SRPK1: variants seen among roughly 807,000 people sequenced by gnomAD.
The protein encoded by SRPK1 is SRSF protein kinase 1.
Under a neutral mutation model 89.5 loss-of-function variants are expected in SRPK1, and 52 were observed. That is an observed-to-expected ratio of 0.58 (90% confidence interval 0.46 to 0.73). SRPK1 has a LOEUF of 0.73. Among genes scored for constraint, SRPK1 ranks in the 30% least tolerant of loss-of-function variants. The probability of loss-of-function intolerance (pLI) is 0.00; values close to 1 mark genes in which losing one functional copy is unlikely to be tolerated. For synonymous variants in SRPK1, 255 were observed against 270.2 expected (o/e 0.94, Z 0.55); for missense variants, 603 against 780.6 (o/e 0.77, Z 2.71).
chr6:35,839,842 G>A (rs1159583551), intron 14 of SRPK1, among the ~76,000 whole-genome samples: 2 of 152,054 alleles, frequency 1.3e-5, no homozygotes, highest in Non-Finnish European at 2.9e-5. Context: ...ACCAGGTCCA[G>A]CTAATTTTTG....
At chr6:35,861,882 C>T (rs998113847) in intron 12 of SRPK1, among the ~76,000 whole-genome samples, 2 of 152,206 alleles carry the variant, frequency 1.3e-5, no homozygotes, top group Admixed American at 1.3e-4. Flanking sequence ...CACAGGCCAA[C>T]AGCTGGCACC....
chr6:35,852,981 T>C (rs1272431783), intron 13 of SRPK1, among the ~76,000 whole-genome samples: 2 of 152,194 alleles, frequency 1.3e-5, no homozygotes, highest in Non-Finnish European at 1.5e-5. Context: ...GACTCATGCC[T>C]GTAATTCCAG....
chr6:35,908,745 G>A (rs189418072), intron 2 of SRPK1, among the ~76,000 whole-genome samples: 70 of 152,286 alleles, frequency 4.6e-4, no homozygotes, highest in Admixed American at 2.3e-3. Context: ...AGAAAATGTC[G>A]TCAGGGCATG....
At chr6:35,906,957 G>A (rs975435824) in intron 2 of SRPK1, among the ~76,000 whole-genome samples, 5 of 152,128 alleles carry the variant, frequency 3.3e-5, no homozygotes, top group African/African-American at 1.2e-4. Context: ...GGTAACCAAA[G>A]TTATGAGATA....
At chr6:35,876,084 T>TAAAAA (rs1491175245) in intron 6 of SRPK1, among the ~76,000 whole-genome samples, 1 of 40,054 alleles carries the variant, frequency 2.5e-5, no homozygotes, top group Admixed American at 3.1e-4. Context: ...GATTCTTAAA[T>TAAAAA]TAAAAAAAAA....
At chr6:35,837,840 G>A (rs922060022) in intron 15 of SRPK1, among the ~76,000 whole-genome samples, 1 of 151,406 alleles carries the variant, frequency 6.6e-6, no homozygotes, top group Non-Finnish European at 1.5e-5. Context: ...TTACAGGCGT[G>A]AGCCACCATG....
intron 2 of SRPK1, among the ~76,000 whole-genome samples, chr6:35,893,476 C>T (rs1056105636): frequency 4.6e-5 from 6 of 131,238 alleles, no homozygotes; most frequent in Non-Finnish European, 8.0e-5. Context: ...CAGAGCAAGA[C>T]CTTGTCTCAA....
chr6:35,848,803 G>T (rs1178842271), intron 13 of SRPK1, among the ~76,000 whole-genome samples: 1 of 152,120 alleles, frequency 6.6e-6, no homozygotes, highest in Non-Finnish European at 1.5e-5. Context: ...GATATAAAAA[G>T]AATGAAACTG....
intron 13 of SRPK1, among the ~76,000 whole-genome samples, chr6:35,847,770 T>C (rs904907435): frequency 1.1e-4 from 16 of 151,982 alleles, no homozygotes; most frequent in Non-Finnish European, 1.3e-4. Flanking sequence ...ATAAAAGAAA[T>C]TGAAGACACA....
intron 12 of SRPK1, among the ~76,000 whole-genome samples, chr6:35,863,149 T>C (rs1008319917): frequency 1.1e-4 from 16 of 152,008 alleles, no homozygotes; most frequent in Non-Finnish European, 2.4e-4. Flanking sequence ...AGACAATGTT[T>C]CAAATAAATT....
chr6:35,857,218 A>G (rs376498696), intron 13 of SRPK1, 43 bp downstream of exon 13: 139 of 1,417,200 alleles, frequency 9.8e-5, no homozygotes, highest in Admixed American at 4.9e-4. Context: ...AGGGCAAGAT[A>G]TGTACCACTT....
At chr6:35,889,765 C>A (rs1207485766) in intron 3 of SRPK1, among the ~76,000 whole-genome samples, 11 of 149,888 alleles carry the variant, frequency 7.3e-5, no homozygotes, top group African/African-American at 2.5e-4. Context: ...GCCTGGATGA[C>A]AGAGCCAGAC....
At chr6:35,904,184 G>A (rs1770800539) in intron 2 of SRPK1, among the ~76,000 whole-genome samples, 1 of 152,134 alleles carries the variant, frequency 6.6e-6, no homozygotes, top group African/African-American at 2.4e-5. Flanking sequence ...TGAAAATTAA[G>A]TGTATTCAAA....
Position 35,900,226 on chromosome 6 carries a change from C to T in SRPK1, c.75-9213G>A, listed in dbSNP as rs79822918. Reference sequence around the variant, plus strand: ...AACTGTTAGTGTAAGAAGCTCTCTGCGCCTCTCGCCTTATGTGTAAAATGA... The same window carrying T: ...AACTGTTAGTGTAAGAAGCTCTCTGTGCCTCTCGCCTTATGTGTAAAATGA... On this transcript the variant is annotated intron_variant, in intron 2 of 15. Transcript: ENST00000373825. Among the ~76,000 whole-genome samples the T allele has an allele frequency of 2.4e-3, 361 of 152,166 alleles. 3 individuals carry two copies. The highest frequency in any genetic ancestry group is 0.016 in the East Asian group (85 of 5,168).
intron 5 of SRPK1, among the ~76,000 whole-genome samples, chr6:35,887,371 A>T (rs1770433343): frequency 6.6e-6 from 1 of 152,150 alleles, no homozygotes; most frequent in African/African-American, 2.4e-5. Flanking sequence ...ATAAAAAAGA[A>T]AACTACTGCC....
At chr6:35,913,814 ATAAAAGAGAGAG>A (rs1771028329) in intron 2 of SRPK1, among the ~76,000 whole-genome samples, 1 of 146,936 alleles carries the variant, frequency 6.8e-6, no homozygotes. Flanking sequence ...AGAAAAAAAA[ATAAAAGAGAGAG>A]AAAAAAGAAA....
In SRPK1 at chr6:35,870,387, CTCTT is replaced by C; in HGVS notation, c.881_884del (p.Lys294SerfsTer23). ...TTGGTCTTTTTTGCCCAGGGCCCGACTCTTTCTCCATTTCCTCAATTTCCTGCAT... is the reference window on the plus strand; with the variant it reads ...TTGGTCTTTTTTGCCCAGGGCCCGACTCTCCATTTCCTCAATTTCCTGCAT... On this transcript the variant is annotated frameshift_variant, in exon 10 of 16. Transcript: ENST00000373825. LOFTEE classifies it high-confidence loss of function. 6.3e-7 allele frequency: 1 copy of C among 1,598,596 alleles called. No homozygotes were observed. Among genetic ancestry groups the C allele is most frequent in the Non-Finnish European group, 8.5e-7 (1 of 1,171,612 alleles).
At chr6:35,872,841 T>C in intron 7 of SRPK1, 113 bp from the exon 8 acceptor site, 2 of 1,029,280 alleles carry the variant, frequency 1.9e-6, no homozygotes, top group South Asian at 3.8e-5. Flanking sequence ...GCGTTTTCTA[T>C]AGAGAATAAA....
intron 10 of SRPK1, 112 bp downstream of exon 10, chr6:35,870,169 T>A: frequency 1.0e-6 from 1 of 976,320 alleles, no homozygotes; most frequent in East Asian, 2.6e-5. Flanking sequence ...CATATTCTTA[T>A]AAAGATACCC....
Sources: allele counts gnomAD v4.1 joint callset (sites outside exome capture counted in the v4.1 genomes callset), GRCh38; gene constraint gnomAD v4.1.1; transcripts MANE v1.5; gene names NCBI Gene and HGNC (gene_info 2026-07-23, HGNC 2026-07-21).